RNF8: variants seen among roughly 807,000 people sequenced by gnomAD.
The protein encoded by RNF8 is ring finger protein 8.
In RNF8, 8 loss-of-function variants were observed where a neutral mutation model predicts 59.3. That is an observed-to-expected ratio of 0.13 (90% CI 0.08 to 0.24). The LOEUF (loss-of-function observed/expected upper bound fraction) is 0.24. Among genes scored for constraint, RNF8 ranks in the 10% least tolerant of loss-of-function variants. The pLI is 1.00. For missense variants in RNF8, 406 were observed against 572.6 expected (o/e 0.71, Z 2.97); for synonymous variants, 162 against 200.0 (o/e 0.81, Z 1.60).
intron 7 of RNF8, among the ~76,000 whole-genome samples, chr6:37,382,839 G>C (rs1317012914): frequency 6.6e-6 from 1 of 152,082 alleles, no homozygotes; most frequent in African/African-American, 2.4e-5. Context: ...TTAGCCGGGC[G>C]TGGTGGCGCA....
At position 37,393,324 on chromosome 6, in the gene RNF8, C is replaced by T. The variant is rs888532089; in HGVS notation, c.*2566C>T. ...GATCACAAACAAAAGCCTGAATGTA[C>T]TATGTTTAAAAGACAAACCAAAAAT... On this transcript the variant is annotated 3_prime_UTR_variant, in exon 8 of 8. Coordinates refer to ENST00000373479, the MANE Select transcript of RNF8 (RefSeq NM_003958.4). The T allele has an allele frequency of 6.6e-6, 1 of 152,178 alleles. No homozygotes were observed. Among genetic ancestry groups the T allele is most frequent in the Non-Finnish European group, 1.5e-5 (1 of 68,028 alleles). The allele number at this position is 152,178 out of a possible 1,614,324, so 9.4% of individuals were successfully genotyped here.
intron 6 of RNF8, among the ~76,000 whole-genome samples, chr6:37,379,416 T>C (rs1452932716): frequency 6.6e-6 from 1 of 152,148 alleles, no homozygotes; most frequent in Non-Finnish European, 1.5e-5. Flanking sequence ...TTGAAAAATA[T>C]GTAATATCTG....
intron 5 of RNF8, among the ~76,000 whole-genome samples, 153 bp from the exon 6 acceptor site, chr6:37,376,773 C>A (rs1469877475): frequency 6.6e-6 from 1 of 152,158 alleles, no homozygotes; most frequent in African/African-American, 2.4e-5. Flanking sequence ...AAACAATAAG[C>A]CTTAGGGAAA....
At chr6:37,386,851 C>T (rs1562099295) in intron 7 of RNF8, among the ~76,000 whole-genome samples, 1 of 152,168 alleles carries the variant, frequency 6.6e-6, no homozygotes, top group African/African-American at 2.4e-5. Flanking sequence ...TTGCTATTTC[C>T]CACAGTAAAA....
rs546360208 is a variant in RNF8 at position 37,368,836 on chromosome 6, C to T, written c.593C>T (p.Thr198Ile). The T allele has an allele frequency of 2.2e-5, 36 of 1,614,104 alleles. No individual in the cohort carries two copies. The highest frequency in any genetic ancestry group is 1.7e-4 in the African/African-American group (13 of 75,040). ...KSQGKGEVAS[T>I]PSDNLDPKLT... Reference sequence around the variant, plus strand: ...CAGGGGAAAGGTGAAGTGGCCAGTACACCCTCTGACAATTTGGATCCTAAG... The same window carrying T: ...CAGGGGAAAGGTGAAGTGGCCAGTATACCCTCTGACAATTTGGATCCTAAG... Residue 198 changes from threonine (T) to isoleucine (I), a missense_variant, in exon 3 of 8, where the codon ACA becomes ATA. This residue lies in a region of RNF8 where 285 missense variants were observed against 342.0 expected (regional missense o/e 0.83). Coordinates refer to ENST00000373479, the MANE Select transcript of RNF8 (RefSeq NM_003958.4).
chr6:37,380,625 C>G (rs1373918310), intron 6 of RNF8, among the ~76,000 whole-genome samples: 3 of 149,284 alleles, frequency 2.0e-5, no homozygotes, highest in Admixed American at 2.0e-4. Context: ...GAGCCGAGAT[C>G]GCGCCACTGC....
chr6:37,394,163 G>C lies in RNF8; in HGVS notation c.*3405G>C, dbSNP rs1770799488. 6.6e-6 allele frequency: 1 copy of C among 152,192 alleles called. No individual in the cohort carries two copies. The highest frequency in any genetic ancestry group is 6.5e-5 in the Admixed American group (1 of 15,278). The allele number at this position is 152,192 out of a possible 1,614,324, so 9.4% of individuals were successfully genotyped here. On this transcript the variant is annotated 3_prime_UTR_variant, in exon 8 of 8. Coordinates refer to ENST00000373479, the MANE Select transcript of RNF8 (RefSeq NM_003958.4). ...CAGGAGAATCCTGGAATTGTTATCT[G>C]TCTCTTGCTCTGAGATACAGACTTG...
intron 7 of RNF8, among the ~76,000 whole-genome samples, chr6:37,389,312 A>G (rs1770635146): frequency 6.6e-6 from 1 of 151,668 alleles, no homozygotes; most frequent in Non-Finnish European, 1.5e-5. Context: ...TTTATCTAGT[A>G]TAAGTTGTGG....
At chr6:37,361,229 G>A (rs1769309462) in intron 2 of RNF8, 26 of 454,434 alleles carry the variant, frequency 5.7e-5, no homozygotes, top group Middle Eastern at 6.8e-4. Context: ...TACTGGAGAA[G>A]CTGAGGCCAG....
intron 1 of RNF8, chr6:37,359,291 A>C (rs923635228): frequency 1.4e-5 from 6 of 428,770 alleles, no homozygotes; most frequent in Middle Eastern, 6.9e-4. Flanking sequence ...GATAAGACAG[A>C]GAATATGTAC....
chr6:37,366,251 C>G (rs1012192312), intron 2 of RNF8, among the ~76,000 whole-genome samples: 1 of 152,130 alleles, frequency 6.6e-6, no homozygotes, highest in African/African-American at 2.4e-5. Flanking sequence ...TTGGAGACTT[C>G]CTTTAAATTT....
chr6:37,373,646 C>G (rs195376), intron 4 of RNF8, among the ~76,000 whole-genome samples: 20,388 of 152,076 alleles, frequency 0.13, 4,071 homozygotes, highest in African/African-American at 0.43. Context: ...GAGCTCAAGC[C>G]ATCCACCCGG....
intron 7 of RNF8, among the ~76,000 whole-genome samples, chr6:37,387,556 G>T (rs1562099710): frequency 6.6e-6 from 1 of 151,992 alleles, no homozygotes; most frequent in Non-Finnish European, 1.5e-5. Flanking sequence ...TGCCTGGGCT[G>T]GTCTTGAACT....
intron 5 of RNF8, among the ~76,000 whole-genome samples, chr6:37,375,457 T>A (rs2113826486): frequency 6.6e-6 from 1 of 152,352 alleles, no homozygotes; most frequent in Non-Finnish European, 1.5e-5. Flanking sequence ...GCAGGGTGGA[T>A]CCAGTCCACA....
chr6:37,360,320 G>T lies in RNF8; in HGVS notation c.112-126G>T. Reference sequence around the variant, plus strand: ...GAGGAGATAGCTGATGCACTGTTTTGGTTCCACAGGTGTCTGGTTTCTTAA... The same window carrying T: ...GAGGAGATAGCTGATGCACTGTTTTTGTTCCACAGGTGTCTGGTTTCTTAA... On this transcript the variant is annotated intron_variant, in intron 1 of 7. Transcript: ENST00000373479. The surrounding 1 kb of genome is among the most constrained non-coding windows in gnomAD (Gnocchi z 4.2). 1.9e-6 allele frequency: 2 copies of T among 1,042,646 alleles called. No homozygotes were observed. The highest frequency in any genetic ancestry group is 1.5e-5 in the South Asian group (1 of 68,534). The allele number at this position is 1,042,646 out of a possible 1,614,324, so 64.6% of individuals were successfully genotyped here.
intron 1 of RNF8, among the ~76,000 whole-genome samples, chr6:37,358,647 C>T (rs1415277110): frequency 1.3e-5 from 2 of 151,984 alleles, no homozygotes; most frequent in East Asian, 3.9e-4. Flanking sequence ...TAGATTAGGT[C>T]AGTGAGTCGT....
At position 37,354,289 on chromosome 6, in the gene RNF8, G is replaced by A. The variant is rs772431969; in HGVS notation, c.111+14G>A. The A allele has an allele frequency of 1.7e-5, 27 of 1,547,022 alleles. No individual in the cohort carries two copies. Among genetic ancestry groups the A allele is most frequent in the Non-Finnish European group, 2.3e-5 (26 of 1,150,260 alleles). On this transcript the variant is annotated intron_variant, in intron 1 of 7. Coordinates refer to ENST00000373479, the MANE Select transcript of RNF8 (RefSeq NM_003958.4). ...GATGGGTGCGAGGTACGGGGGAAGG[G>A]GTCCTGTGGAGCGGAGGGCAGGGGC...
chr6:37,366,211 CTTAT>C (rs551531263), intron 2 of RNF8, among the ~76,000 whole-genome samples: 189 of 152,274 alleles, frequency 1.2e-3, no homozygotes, highest in Non-Finnish European at 2.0e-3. Context: ...TTTCTGTAAT[CTTAT>C]TTATTTATTT....
chr6:37,372,248 T>C (rs952529715), intron 4 of RNF8, among the ~76,000 whole-genome samples: 2 of 152,198 alleles, frequency 1.3e-5, no homozygotes, highest in South Asian at 2.1e-4. Context: ...TCAAATCTCA[T>C]TGGAAAGAGT....
Sources: allele counts gnomAD v4.1 joint callset (sites outside exome capture counted in the v4.1 genomes callset), GRCh38; gene constraint gnomAD v4.1.1; regional missense constraint gnomAD v4.1.1; non-coding constraint Gnocchi (gnomAD v3.1); transcripts MANE v1.5; gene names NCBI Gene and HGNC (gene_info 2026-07-23, HGNC 2026-07-21).